The following GRID2 variants were observed in gnomAD, a reference collection of about 807,000 sequenced individuals.
GRID2 encodes glutamate receptor ionotropic, delta-2.
Under a neutral mutation model 114.8 loss-of-function variants are expected in GRID2, and 33 were observed. The observed-to-expected ratio is 0.29, with a 90% CI of 0.22 to 0.38. The LOEUF (loss-of-function observed/expected upper bound fraction) is 0.38. Ranked by LOEUF, GRID2 falls within the 10% of genes least tolerant of loss-of-function variation. The probability of loss-of-function intolerance (pLI) is 1.00; values close to 1 mark genes in which losing one functional copy is unlikely to be tolerated. For missense variants in GRID2, 1,184 were observed against 1,257.7 expected (o/e 0.94, Z 0.89); for synonymous variants, 505 against 449.9 (o/e 1.12, Z -1.55).
chr4:93,788,643 G>A (rs932455011), intron 1 of GRID2, among the ~76,000 whole-genome samples: 2 of 152,122 alleles, frequency 1.3e-5, no homozygotes, highest in Admixed American at 6.5e-5. Context: ...TATTCAATGG[G>A]CAATATAATG....
chr4:93,201,250 A>C, intron 4 of GRID2, among the ~76,000 whole-genome samples: 1 of 152,198 alleles, frequency 6.6e-6, no homozygotes, highest in Admixed American at 6.6e-5. Flanking sequence ...CATCTGTTTA[A>C]CTTTGCTTAG....
At chr4:93,631,480 T>C (rs1720867960) in intron 14 of GRID2, among the ~76,000 whole-genome samples, 1 of 152,130 alleles carries the variant, frequency 6.6e-6, no homozygotes, top group African/African-American at 2.4e-5. Flanking sequence ...GTTTTTTGTC[T>C]TTGCAATAGT....
intron 2 of GRID2, among the ~76,000 whole-genome samples, chr4:93,042,687 A>C (rs983172480): frequency 8.7e-4 from 126 of 144,448 alleles, no homozygotes; most frequent in Middle Eastern, 3.6e-3. Flanking sequence ...ATCTATATAT[A>C]TATGCATATA....
rs1004294893 is a variant in GRID2, at chr4:92,822,447, G to A, written c.244+232161G>A. On this transcript the variant is annotated intron_variant, in intron 2 of 15. Transcript: ENST00000282020. ...CAGCTACAGAGGTGATAGTGTTGCTGCCGTTAGGTGAGAAGTGGACATAAG... is the reference window on the plus strand; with the variant it reads ...CAGCTACAGAGGTGATAGTGTTGCTACCGTTAGGTGAGAAGTGGACATAAG... 9.9e-5 allele frequency: 49 copies of A among 494,866 alleles called. No individual in the cohort carries two copies. In the Admixed American group the frequency reaches 1.0e-3, roughly 11 times the overall value. 30.7% of individuals were successfully genotyped at this position (494,866 alleles called of 1,614,324 possible).
At chr4:93,574,068 A>G (rs540961322) in intron 13 of GRID2, among the ~76,000 whole-genome samples, 53 of 152,246 alleles carry the variant, frequency 3.5e-4, no homozygotes, top group Admixed American at 7.8e-4. Flanking sequence ...TTTTACCTTT[A>G]CATTTGTATT....
intron 1 of GRID2, among the ~76,000 whole-genome samples, chr4:92,384,992 C>G (rs1248096069): frequency 6.6e-6 from 1 of 151,150 alleles, no homozygotes; most frequent in African/African-American, 2.4e-5. Flanking sequence ...TGATGGTTCC[C>G]TATGTACTGG....
At chr4:92,684,758 T>C (rs1231781855) in intron 2 of GRID2, among the ~76,000 whole-genome samples, 1 of 152,108 alleles carries the variant, frequency 6.6e-6, no homozygotes, top group African/African-American at 2.4e-5. Flanking sequence ...GTGACGTATA[T>C]AATGAAGCCA....
intron 2 of GRID2, among the ~76,000 whole-genome samples, chr4:92,670,371 G>A (rs1365331043): frequency 6.6e-6 from 1 of 151,812 alleles, no homozygotes; most frequent in Non-Finnish European, 1.5e-5. Context: ...CAGTGGCTTT[G>A]GGAACTTTTT....
chr4:92,824,757 T>C (rs2149391469), intron 2 of GRID2, among the ~76,000 whole-genome samples: 1 of 152,196 alleles, frequency 6.6e-6, no homozygotes, highest in South Asian at 2.1e-4. Context: ...GAATTTGGAT[T>C]GACTAAGAAA....
At chr4:93,501,640 G>T (rs894305536) in intron 12 of GRID2, among the ~76,000 whole-genome samples, 5 of 151,892 alleles carry the variant, frequency 3.3e-5, no homozygotes, top group Admixed American at 2.6e-4. Flanking sequence ...GAAGTATATT[G>T]GTCTTTCAAA....
At chr4:93,542,327 C>T (rs1732732343) in intron 13 of GRID2, among the ~76,000 whole-genome samples, 1 of 151,942 alleles carries the variant, frequency 6.6e-6, no homozygotes, top group Non-Finnish European at 1.5e-5. Flanking sequence ...AGAACTGAGC[C>T]CCAGAAAAAA....
intron 2 of GRID2, among the ~76,000 whole-genome samples, chr4:93,053,571 G>T (rs1726927646): frequency 2.0e-5 from 3 of 151,884 alleles, no homozygotes; most frequent in African/African-American, 7.3e-5. Flanking sequence ...TTCCCACTGT[G>T]CACTGGCATG....
At chr4:92,922,706 G>C (rs1021591496) in intron 2 of GRID2, among the ~76,000 whole-genome samples, 2 of 152,134 alleles carry the variant, frequency 1.3e-5, no homozygotes, top group African/African-American at 4.8e-5. Flanking sequence ...ACCACTTAGT[G>C]AAATACTGCA....
At chr4:92,779,637 T>A (rs1199847744) in intron 2 of GRID2, among the ~76,000 whole-genome samples, 1 of 152,112 alleles carries the variant, frequency 6.6e-6, no homozygotes, top group Non-Finnish European at 1.5e-5. Flanking sequence ...AACTATGGCA[T>A]CCTTGTTTTG....
intron 8 of GRID2, among the ~76,000 whole-genome samples, chr4:93,277,522 G>C (rs1432668640): frequency 6.6e-6 from 1 of 150,498 alleles, no homozygotes; most frequent in African/African-American, 2.4e-5. Context: ...AGTACTTTTT[G>C]GCTATTTGCT....
intron 2 of GRID2, among the ~76,000 whole-genome samples, chr4:92,980,357 A>G (rs973856355): frequency 1.3e-5 from 2 of 152,194 alleles, no homozygotes; most frequent in East Asian, 3.9e-4. Flanking sequence ...ATTTATTTGT[A>G]TAATATTTTA....
intron 2 of GRID2, among the ~76,000 whole-genome samples, chr4:92,895,614 A>G (rs1747109088): frequency 6.6e-6 from 1 of 151,888 alleles, no homozygotes; most frequent in Non-Finnish European, 1.5e-5. Flanking sequence ...TTCTGTGCTT[A>G]AAAAATATTA....
At chr4:92,611,208 G>A in intron 2 of GRID2, among the ~76,000 whole-genome samples, 1 of 150,926 alleles carries the variant, frequency 6.6e-6, no homozygotes, top group African/African-American at 2.4e-5. Context: ...CAACAGACTG[G>A]GTGTCTTAAA....
intron 2 of GRID2, among the ~76,000 whole-genome samples, chr4:92,682,476 C>CT (rs1733694493): frequency 6.6e-6 from 1 of 152,118 alleles, no homozygotes; most frequent in Admixed American, 6.5e-5. Context: ...TTGAGAACTA[C>CT]TGGTCTAAGC....
Sources: gnomAD v4.1 joint callset for allele counts (sites outside exome capture counted in the v4.1 genomes callset) on GRCh38, gnomAD v4.1.1 for gene constraint, MANE v1.5 for transcripts, NCBI Gene and HGNC (gene_info 2026-07-23, HGNC 2026-07-21) for gene names.